The following SHROOM3 variants were observed in gnomAD, a reference collection of about 807,000 sequenced individuals.
SHROOM3 encodes the protein shroom family member 3.
In SHROOM3, 47 loss-of-function variants were observed where a neutral mutation model predicts 138.6. The ratio of observed to expected loss-of-function variants is 0.34; its 90% CI spans 0.27 to 0.43. The LOEUF (loss-of-function observed/expected upper bound fraction) is 0.43, where lower values mean the gene tolerates loss of function less well. Ranked by LOEUF, SHROOM3 falls within the 20% of genes least tolerant of loss-of-function variation. SHROOM3 has a pLI of 1.00. For missense variants in SHROOM3, 2,491 were observed against 2,596.5 expected (o/e 0.96, Z 0.88); for synonymous variants, 1,062 against 1,063.3 (o/e 1.00, Z 0.02).
At chr4:76,608,968 G>C (rs1289647067) in intron 2 of SHROOM3, among the ~76,000 whole-genome samples, 2 of 152,100 alleles carry the variant, frequency 1.3e-5, no homozygotes, top group Non-Finnish European at 2.9e-5. Flanking sequence ...CATTACCTGG[G>C]AACTTGTTAG....
chr4:76,710,866 C>T (rs953072380), intron 3 of SHROOM3, among the ~76,000 whole-genome samples: 1 of 152,072 alleles, frequency 6.6e-6, no homozygotes, highest in African/African-American at 2.4e-5. Context: ...TCACACCAGC[C>T]CTGTGAGGTT....
rs144654652 is a variant in SHROOM3 at position 76,652,700 on chromosome 4, C to T, written c.324-57456C>T. ...CCAGGCCTTCCTGGAGAGGGTATTC[C>T]AGGTTATGAGTTCATGCAAAGTAAG... On this transcript the variant is annotated intron_variant, in intron 2 of 10. Coordinates refer to ENST00000296043, the MANE Select transcript of SHROOM3 (RefSeq NM_020859.4). Among the ~76,000 whole-genome samples the T allele has an allele frequency of 4.4e-3, 666 of 151,928 alleles. 3 individuals carry two copies. Among genetic ancestry groups the T allele is most frequent in the African/African-American group, 0.015 (639 of 41,412 alleles).
At chr4:76,659,993 C>T (rs1204560605) in intron 2 of SHROOM3, among the ~76,000 whole-genome samples, 1 of 152,188 alleles carries the variant, frequency 6.6e-6, no homozygotes, top group Non-Finnish European at 1.5e-5. Context: ...CAGGGGTATT[C>T]CCAGAGGCTG....
Position 76,770,827 on chromosome 4 carries a change from C to G in SHROOM3, c.5551C>G (p.Leu1851Val), listed in dbSNP as rs1722335580. 6.2e-7 allele frequency: 1 copy of G among 1,614,212 alleles called. No homozygotes were observed. Among genetic ancestry groups the G allele is most frequent in the Non-Finnish European group, 8.5e-7 (1 of 1,180,044 alleles). ...CAAGGTGGTCAACCTGCTGCTCTCC[C>G]TCTCGGGGCGTCTAGCCCGTGTTGA... ...LDKVVNLLLS[L>V]SGRLARVENV... is the part of the protein sequence containing the mutation. Residue 1851 changes from leucine (L) to valine (V), a missense_variant, in exon 10 of 11, where the codon CTC becomes GTC. Leu to Val is a conservative substitution (Grantham distance 32, BLOSUM62 1). Transcript: ENST00000296043.
chr4:76,725,280 G>A (rs761787326), intron 3 of SHROOM3, among the ~76,000 whole-genome samples: 2 of 151,950 alleles, frequency 1.3e-5, no homozygotes, highest in African/African-American at 2.4e-5. Flanking sequence ...CCAAAGTTGA[G>A]TTTGCTGTCT....
At chr4:76,578,980 C>A (rs955837046) in intron 2 of SHROOM3, among the ~76,000 whole-genome samples, 6 of 151,838 alleles carry the variant, frequency 4.0e-5, no homozygotes, top group Non-Finnish European at 8.8e-5. Flanking sequence ...GCCCTGGCAA[C>A]ATAATGAGAC....
rs749960760 is a variant in SHROOM3, at chr4:76,754,687, G to A, written c.4204G>A (p.Gly1402Ser). The A allele has an allele frequency of 1.1e-5, 18 of 1,614,078 alleles. No homozygotes were observed. Among genetic ancestry groups the A allele is most frequent in the Non-Finnish European group, 1.5e-5 (18 of 1,180,044 alleles). The change falls in exon 7 of 11, where the codon GGC becomes AGC. Residue 1402 changes from glycine (G) to serine (S), a missense_variant. Gly to Ser is a moderately conservative substitution (Grantham distance 56). This residue lies in a region of SHROOM3 where 1,733 missense variants were observed against 1,661.6 expected (regional missense o/e 1.04). Coordinates refer to ENST00000296043, the MANE Select transcript of SHROOM3 (RefSeq NM_020859.4). ...CCTGACCCAGCCTCCCGGTCCAAGA[G>A]GCTGTGAGGGCGATGGCCCAGAGCA... ...HTLTQPPGPRGCEGDGPEHGV... is the reference protein window; with the variant it reads ...HTLTQPPGPRSCEGDGPEHGV...
intron 1 of SHROOM3, among the ~76,000 whole-genome samples, chr4:76,536,977 G>A (rs1362337368): frequency 6.6e-6 from 1 of 152,136 alleles, no homozygotes; most frequent in African/African-American, 2.4e-5. Context: ...CCCAGGTGTG[G>A]TGGCAGGAGC....
chr4:76,676,113 T>G (rs1162403386), intron 2 of SHROOM3, among the ~76,000 whole-genome samples: 1 of 152,156 alleles, frequency 6.6e-6, no homozygotes. Context: ...TAGATCTCGT[T>G]GGGAATACAG....
chr4:76,483,248 TTATCTGACAAAGGGTTAA>T (rs1338867717), intron 1 of SHROOM3, among the ~76,000 whole-genome samples: 4 of 152,204 alleles, frequency 2.6e-5, no homozygotes, highest in African/African-American at 9.6e-5. Flanking sequence ...TGCAATCTAT[TTATCTGACAAAGGGTTAA>T]TATCCAGAAT....
At position 76,747,246 on chromosome 4, in the gene SHROOM3, GT is replaced by G. The variant is rs199685493; in HGVS notation, c.3754-1762del. On this transcript the variant is annotated intron_variant, in intron 5 of 10. Transcript: ENST00000296043. The stretch of plus-strand genomic sequence containing the variant: ...GCCTAGTATTTTTCCCATAGCCACT[GT>G]TTTTTTTTCCCTGTAATTGCCATAA... 9.3e-5 allele frequency among the ~76,000 whole-genome samples: 14 copies of G among 151,096 alleles called. No individual in the cohort carries two copies. The South Asian group carries it at 1.1e-3, about 11-fold the overall frequency.
intron 2 of SHROOM3, among the ~76,000 whole-genome samples, chr4:76,633,818 C>A (rs1735413306): frequency 1.3e-5 from 2 of 152,164 alleles, no homozygotes; most frequent in African/African-American, 2.4e-5. Context: ...GGAACCCAGG[C>A]AGTCTGGGAG....
At chr4:76,681,594 G>GGA (rs1553936165) in intron 2 of SHROOM3, among the ~76,000 whole-genome samples, 1 of 81,022 alleles carries the variant, frequency 1.2e-5, no homozygotes, top group Non-Finnish European at 2.3e-5. Flanking sequence ...CAGAGTCTAG[G>GGA]GTGTGTGTGT....
In SHROOM3 at chr4:76,741,661, C is replaced by A. The variant is rs1294833652; in HGVS notation, c.3488C>A (p.Thr1163Asn). Residue 1163 changes from threonine (T) to asparagine (N), a missense_variant, in exon 5 of 11, where the codon ACC becomes AAC. Around this residue, in one of 4 missense-constraint regions of SHROOM3, gnomAD observed 1,733 missense variants for 1,661.6 expected, o/e 1.04. Coordinates refer to ENST00000296043, the MANE Select transcript of SHROOM3 (RefSeq NM_020859.4). This position sits in a 1 kb window ranked among gnomAD's most constrained non-coding sequence, Gnocchi z 6.2. ...ATLLPATVAETQQAPRDRSSS... is the reference protein window; with the variant it reads ...ATLLPATVAENQQAPRDRSSS... ...CTCCTGCCGGCCACAGTTGCAGAAA[C>A]CCAGCAGGCTCCCCGAGATCGCAGC... The A allele has an allele frequency of 6.5e-7, 1 of 1,549,332 alleles. No homozygotes were observed. The highest frequency in any genetic ancestry group is 1.9e-5 in the Admixed American group (1 of 52,388).
intron 2 of SHROOM3, among the ~76,000 whole-genome samples, chr4:76,556,103 T>G (rs1733478658): frequency 6.6e-6 from 1 of 152,142 alleles, no homozygotes; most frequent in African/African-American, 2.4e-5. Context: ...TTTTGTCTGG[T>G]GGGACTAGAG....
chr4:76,489,505 TTTC>T (rs1467417347), intron 1 of SHROOM3, among the ~76,000 whole-genome samples: 3 of 152,250 alleles, frequency 2.0e-5, no homozygotes, highest in Non-Finnish European at 4.4e-5. Context: ...TTCTTTTTTC[TTTC>T]TGCTTTTTGA....
chr4:76,449,442 C>A (rs916043007), intron 1 of SHROOM3, among the ~76,000 whole-genome samples: 1 of 152,184 alleles, frequency 6.6e-6, no homozygotes, highest in South Asian at 2.1e-4. Context: ...CAGTTTCCGA[C>A]CTACCCTGCC....
At chr4:76,534,427 G>A (rs895002421) in intron 1 of SHROOM3, among the ~76,000 whole-genome samples, 1 of 152,162 alleles carries the variant, frequency 6.6e-6, no homozygotes, top group African/African-American at 2.4e-5. Flanking sequence ...CCTTGACCAA[G>A]AATTTCTTGA....
chr4:76,558,497 T>C (rs1434095703), intron 2 of SHROOM3, among the ~76,000 whole-genome samples: 1 of 152,208 alleles, frequency 6.6e-6, no homozygotes, highest in Non-Finnish European at 1.5e-5. Flanking sequence ...GTTCCCTGGT[T>C]ATCTGGAGGC....
Sources: allele counts gnomAD v4.1 joint callset (sites outside exome capture counted in the v4.1 genomes callset), GRCh38; gene constraint gnomAD v4.1.1; regional missense constraint gnomAD v4.1.1; non-coding constraint Gnocchi (gnomAD v3.1); transcripts MANE v1.5; gene names NCBI Gene and HGNC (gene_info 2026-07-23, HGNC 2026-07-21).